Variants in TLN2 observed in about 807,000 individuals in gnomAD.
TLN2 encodes the protein talin-2.
Under a neutral mutation model 294.7 loss-of-function variants are expected in TLN2, and 118 were observed. The observed-to-expected ratio is 0.40, with a 90% confidence interval of 0.34 to 0.47. TLN2 has a LOEUF of 0.47. TLN2 is among the 20% of genes least tolerant of loss of function. The pLI is 0.84. For missense variants in TLN2, 3,083 were observed against 3,282.2 expected, an observed-to-expected ratio of 0.94 and a Z score of 1.48; for synonymous variants, 1,431 against 1,304.5, an observed-to-expected ratio of 1.10 and a Z score of -2.09.
At position 62,776,796 on chromosome 15, in the gene TLN2, C is replaced by T. The variant is rs145072613; in HGVS notation, c.5400C>T (p.Ala1800=). The change falls in exon 43 of 59, where the codon GCC becomes GCT. Residue 1800 remains alanine (A), a synonymous_variant. Coordinates refer to ENST00000636159, the MANE Select transcript of TLN2 (RefSeq NM_015059.3). The part of the protein sequence containing the change: ...AQHTHDAITE[A]AQLMKEAVDD... The stretch of plus-strand genomic sequence containing the variant: ...ACACCCATGACGCCATCACAGAGGC[C>T]GCCCAGTTGATGAAGGAAGCCGTGG... 1,138 of 1,593,640 alleles carry T rather than the reference C, an allele frequency of 7.1e-4. No homozygotes were observed. Among genetic ancestry groups the T allele is most frequent in the Non-Finnish European group, 9.3e-4 (1,088 of 1,169,204 alleles).
At chr15:62,396,367 A>C (rs933196998) in intron 1 of TLN2, among the ~76,000 whole-genome samples, 1 of 152,234 alleles carries the variant, frequency 6.6e-6, no homozygotes, top group Non-Finnish European at 1.5e-5. Context: ...ACCATTTAGA[A>C]AAAAAGACTG....
intron 57 of TLN2, among the ~76,000 whole-genome samples, chr15:62,837,379 A>AT: frequency 6.6e-6 from 1 of 152,342 alleles, no homozygotes; most frequent in South Asian, 2.1e-4. Context: ...TCTGCCATTT[A>AT]TTAGGTGCAT....
rs140177110 is a variant in TLN2 at position 62,777,089 on chromosome 15, A to G, written c.5514+179A>G. Among the ~76,000 whole-genome samples, 51 of 152,318 alleles carry G rather than the reference A, an allele frequency of 3.3e-4. 1 individual carries two copies. Among genetic ancestry groups the G allele is most frequent in the Non-Finnish European group, 6.6e-4 (45 of 68,016 alleles). On this transcript the variant is annotated intron_variant, in intron 43 of 58. Coordinates refer to ENST00000636159, the MANE Select transcript of TLN2 (RefSeq NM_015059.3). The stretch of plus-strand genomic sequence containing the variant: ...TATTATTCTTTATTATTAATGCATT[A>G]CTTTTGTAAGCCAGTTGTGCCTTCT...
intron 1 of TLN2, among the ~76,000 whole-genome samples, chr15:62,460,571 G>A (rs568325729): frequency 9.9e-5 from 15 of 152,118 alleles, no homozygotes; most frequent in Non-Finnish European, 2.1e-4. Context: ...CACTAGCCAC[G>A]TGGTCTTGTA....
At chr15:62,534,110 C>G (rs1016302469) in intron 1 of TLN2, among the ~76,000 whole-genome samples, 8 of 152,004 alleles carry the variant, frequency 5.3e-5, no homozygotes, top group Admixed American at 1.3e-4. Context: ...ACTCCCAGGT[C>G]TAGTGTGTAG....
chr15:62,739,124 GT>G (rs2061181921), intron 30 of TLN2, among the ~76,000 whole-genome samples: 1 of 152,320 alleles, frequency 6.6e-6, no homozygotes, highest in Middle Eastern at 3.4e-3. Context: ...TAGATCCACA[GT>G]GTCTAGCACT....
At position 62,492,543 on chromosome 15, in the gene TLN2, CA is replaced by C. The variant is rs35935035; in HGVS notation, c.-237-97127del. On this transcript the variant is annotated intron_variant, in intron 1 of 58. Coordinates refer to ENST00000636159, the MANE Select transcript of TLN2 (RefSeq NM_015059.3). ...TGGGCGACAGAGCGAGACTCTGTCT[CA>C]AAAAAAAAAAAAAAAAGAAAAAAAG... Among the ~76,000 whole-genome samples the C allele has an allele frequency of 1.9e-3, 161 of 84,614 alleles. 1 individual carries two copies. Among genetic ancestry groups the C allele is most frequent in the Middle Eastern group, 0.012 (2 of 162 alleles). 55.5% of individuals were successfully genotyped at this position (84,614 alleles called of 152,430 possible).
Position 62,766,144 on chromosome 15 carries a change from G to A in TLN2, c.5095-177G>A, listed in dbSNP as rs1486167986. Reference sequence around the variant, plus strand: ...CATGCCTGCTTCTTCTCTCTTTCTCGGGAGGAGTCATCACTGAGAAGGTCA... The same window carrying A: ...CATGCCTGCTTCTTCTCTCTTTCTCAGGAGGAGTCATCACTGAGAAGGTCA... On this transcript the variant is annotated intron_variant, in intron 40 of 58. Coordinates refer to ENST00000636159, the MANE Select transcript of TLN2 (RefSeq NM_015059.3). Among the ~76,000 whole-genome samples, 5 of 152,170 alleles carry A rather than the reference G, an allele frequency of 3.3e-5. No homozygotes were observed. The East Asian group carries it at 5.8e-4, about 18-fold the overall frequency.
At chr15:62,800,248 A>G in intron 48 of TLN2, 120 bp from the exon 49 acceptor site, 2 of 1,470,112 alleles carry the variant, frequency 1.4e-6, no homozygotes, top group Non-Finnish European at 1.8e-6. Context: ...CATGCTGCAG[A>G]CTTCAGACTG....
chr15:62,775,748 TCC>T (rs2141063946), intron 42 of TLN2, among the ~76,000 whole-genome samples: 1 of 152,316 alleles, frequency 6.6e-6, no homozygotes, highest in South Asian at 2.1e-4. Context: ...AGGGTCTACT[TCC>T]CCAACAAGGT....
chr15:62,504,955 G>T (rs550826023), intron 1 of TLN2, among the ~76,000 whole-genome samples: 13 of 151,718 alleles, frequency 8.6e-5, no homozygotes, highest in East Asian at 1.9e-4. Context: ...ACATGTTTTT[G>T]TTGTTGTTGT....
chr15:62,439,551 G>A (rs1439683722), intron 1 of TLN2, among the ~76,000 whole-genome samples: 1 of 152,178 alleles, frequency 6.6e-6, no homozygotes, highest in Admixed American at 6.5e-5. Context: ...GACCTCAGGT[G>A]ATCTGCCCGC....
At chr15:62,679,038 T>C (rs2056537610) in intron 11 of TLN2, among the ~76,000 whole-genome samples, 2 of 151,970 alleles carry the variant, frequency 1.3e-5, no homozygotes, top group African/African-American at 4.8e-5. Flanking sequence ...GTCTTTTTTT[T>C]TTTTTTTTTA....
chr15:62,786,733 T>A (rs2064692911), intron 45 of TLN2, among the ~76,000 whole-genome samples: 1 of 152,158 alleles, frequency 6.6e-6, no homozygotes, highest in Non-Finnish European at 1.5e-5. Context: ...TAGAATTCTC[T>A]AAAATTTTCC....
chr15:62,822,116 G>A (rs988083275), intron 54 of TLN2, among the ~76,000 whole-genome samples: 2 of 152,048 alleles, frequency 1.3e-5, no homozygotes, highest in South Asian at 4.2e-4. Context: ...TTGTCCTTCC[G>A]CAGGGTCCTT....
chr15:62,642,274 G>A (rs1372275725), intron 3 of TLN2, among the ~76,000 whole-genome samples: 1 of 152,134 alleles, frequency 6.6e-6, no homozygotes, highest in Non-Finnish European at 1.5e-5. Flanking sequence ...TCAAATTCGG[G>A]TAAACGAAAA....
At chr15:62,603,518 C>T (rs751150316) in intron 2 of TLN2, among the ~76,000 whole-genome samples, 5 of 152,134 alleles carry the variant, frequency 3.3e-5, no homozygotes, top group Non-Finnish European at 7.4e-5. Flanking sequence ...CCTTATTCAA[C>T]CTGTGCTGAA....
At chr15:62,504,466 T>G (rs1195663025) in intron 1 of TLN2, among the ~76,000 whole-genome samples, 1 of 152,152 alleles carries the variant, frequency 6.6e-6, no homozygotes, top group Non-Finnish European at 1.5e-5. Flanking sequence ...GAGGTATTCG[T>G]GTAAAAGCAG....
rs77587016 is a variant in TLN2, at chr15:62,750,923, A to G, written c.4209+432A>G. ...AACTTGACTTACGTGGGATCCTCTT[A>G]TGTGTTCTTTTGCAGTCTATTCATG... On this transcript the variant is annotated intron_variant, in intron 34 of 58. Coordinates refer to ENST00000636159, the MANE Select transcript of TLN2 (RefSeq NM_015059.3). Among the ~76,000 whole-genome samples the G allele has an allele frequency of 2.0e-4, 30 of 152,198 alleles. No homozygotes were observed. The East Asian group carries it at 5.6e-3, about 28-fold the overall frequency.
Sources: gnomAD v4.1 joint callset for allele counts (sites outside exome capture counted in the v4.1 genomes callset) on GRCh38, gnomAD v4.1.1 for gene constraint, MANE v1.5 for transcripts, NCBI Gene and HGNC (gene_info 2026-07-23, HGNC 2026-07-21) for gene names.